GALNTL6: variants seen among roughly 807,000 people sequenced by gnomAD.
GALNTL6 encodes the protein polypeptide N-acetylgalactosaminyltransferase-like 6.
In GALNTL6, 46 loss-of-function variants were observed where a neutral mutation model predicts 73.7. That is an observed-to-expected ratio of 0.62 (90% CI 0.49 to 0.80). The LOEUF is 0.80. Ranked by LOEUF, GALNTL6 falls within the 30% of genes least tolerant of loss-of-function variation. GALNTL6 has a pLI of 0.00. For synonymous variants in GALNTL6, 259 were observed against 263.7 expected, an observed-to-expected ratio of 0.98 and a Z score of 0.17; for missense variants, 604 against 755.0, an observed-to-expected ratio of 0.80 and a Z score of 2.34.
At chr4:172,478,681 G>A (rs935969638) in intron 5 of GALNTL6, among the ~76,000 whole-genome samples, 13 of 151,936 alleles carry the variant, frequency 8.6e-5, no homozygotes, top group Admixed American at 2.0e-4. Context: ...AAAAGCTTCC[G>A]CACAGCAAAA....
At position 172,858,707 on chromosome 4, in the gene GALNTL6, C is replaced by A. The variant is rs140641467; in HGVS notation, c.924-24083C>A. On this transcript the variant is annotated intron_variant, in intron 7 of 12. Transcript: ENST00000506823. Reference sequence around the variant, plus strand: ...AGCACTAAGTAGACTAAAATCTAAGCTGTCTACTGTTCCTGCTCATACACA... The same window carrying A: ...AGCACTAAGTAGACTAAAATCTAAGATGTCTACTGTTCCTGCTCATACACA... 7.7e-3 allele frequency among the ~76,000 whole-genome samples: 1,173 copies of A among 152,194 alleles called. 8 individuals are homozygous for A. The highest frequency in any genetic ancestry group is 0.013 in the Non-Finnish European group (902 of 67,996).
At chr4:172,159,598 A>G (rs911970129) in intron 2 of GALNTL6, among the ~76,000 whole-genome samples, 1 of 152,096 alleles carries the variant, frequency 6.6e-6, no homozygotes, top group African/African-American at 2.4e-5. Flanking sequence ...TTGGGTTGAA[A>G]ACTTTCCCAT....
At chr4:172,586,976 G>C (rs1737435394) in intron 5 of GALNTL6, among the ~76,000 whole-genome samples, 1 of 152,134 alleles carries the variant, frequency 6.6e-6, no homozygotes, top group Admixed American at 6.5e-5. Flanking sequence ...ACAGTGTAAG[G>C]TACAGCAAAG....
Position 172,504,175 on chromosome 4 carries a change from A to AAAAAAAAAAAAAAC in GALNTL6, c.553+155490_553+155491insAAAAAAAAACAAAA, listed in dbSNP as rs1363544210. Among the ~76,000 whole-genome samples the AAAAAAAAAAAAAAC allele has an allele frequency of 1.7e-3, 66 of 39,314 alleles. 16 individuals are homozygous for AAAAAAAAAAAAAAC. Among genetic ancestry groups the AAAAAAAAAAAAAAC allele is most frequent in the African/African-American group, 5.0e-3 (65 of 13,016 alleles). 25.8% of individuals were successfully genotyped at this position (39,314 alleles called of 152,430 possible). On this transcript the variant is annotated intron_variant, in intron 5 of 12. Transcript: ENST00000506823. The stretch of plus-strand genomic sequence containing the variant: ...ACTCTGTCTCAAAAAAAAAAAAAAA[A>AAAAAAAAAAAAAAC]AAAACTCACACCTTGTTGATATTGG...
intron 5 of GALNTL6, among the ~76,000 whole-genome samples, chr4:172,457,290 A>T (rs1579088879): frequency 6.6e-6 from 1 of 152,318 alleles, no homozygotes; most frequent in Middle Eastern, 3.4e-3. Context: ...GACACCATGA[A>T]GAAACTGCAT....
intron 5 of GALNTL6, among the ~76,000 whole-genome samples, chr4:172,733,095 C>G (rs778308422): frequency 3.3e-5 from 5 of 152,198 alleles, no homozygotes; most frequent in Non-Finnish European, 5.9e-5. Context: ...CTCCCTTTAG[C>G]ATTTCTTGCA....
chr4:172,709,771 T>TA (rs1336257417), intron 5 of GALNTL6, among the ~76,000 whole-genome samples: 4 of 152,062 alleles, frequency 2.6e-5, no homozygotes, highest in Non-Finnish European at 4.4e-5. Flanking sequence ...AGTTAAATGT[T>TA]AAAAAATTGA....
At chr4:172,403,860 T>C (rs1197660781) in intron 5 of GALNTL6, among the ~76,000 whole-genome samples, 1 of 151,978 alleles carries the variant, frequency 6.6e-6, no homozygotes, top group Non-Finnish European at 1.5e-5. Context: ...TTGATACTTT[T>C]ACTAAATGCC....
Position 172,953,649 on chromosome 4 carries a change from G to C in GALNTL6, c.1371+1391G>C, listed in dbSNP as rs547451965. Among the ~76,000 whole-genome samples the C allele has an allele frequency of 3.3e-5, 5 of 152,306 alleles. No homozygotes were observed. The South Asian group carries it at 1.0e-3, about 32-fold the overall frequency. The stretch of plus-strand genomic sequence containing the variant: ...TCAGCAAGTCACAGGTGCACTGCTT[G>C]TTGTGTTCAGAGGGTCACTCTTCAT... On this transcript the variant is annotated intron_variant, in intron 10 of 12. Transcript: ENST00000506823.
At chr4:172,153,654 G>A (rs1189685121) in intron 2 of GALNTL6, among the ~76,000 whole-genome samples, 1 of 152,116 alleles carries the variant, frequency 6.6e-6, no homozygotes, top group African/African-American at 2.4e-5. Context: ...GTTTGTCACG[G>A]TGCTTTGATC....
At position 172,839,427 on chromosome 4, in the gene GALNTL6, T is replaced by C. The variant is rs1375800572; in HGVS notation, c.923+25704T>C. 3.3e-5 allele frequency among the ~76,000 whole-genome samples: 5 copies of C among 152,322 alleles called. No individual in the cohort carries two copies. The East Asian group carries it at 9.6e-4, about 29-fold the overall frequency. The stretch of plus-strand genomic sequence containing the variant: ...CTGCAAGGAAACTGACTAATTTAAA[T>C]AAAAATTCCCTTAATGTTCCTAACA... On this transcript the variant is annotated intron_variant, in intron 7 of 12. Transcript: ENST00000506823.
intron 8 of GALNTL6, among the ~76,000 whole-genome samples, chr4:172,923,353 T>C (rs1747888642): frequency 6.6e-6 from 1 of 152,036 alleles, no homozygotes; most frequent in Non-Finnish European, 1.5e-5. Flanking sequence ...CTCATAAGAC[T>C]TATTCACTGT....
chr4:172,865,509 G>A (rs1431814902), intron 7 of GALNTL6, among the ~76,000 whole-genome samples: 3 of 152,100 alleles, frequency 2.0e-5, no homozygotes, highest in Admixed American at 6.6e-5. Context: ...TTAAATTAAG[G>A]TATATTTTAT....
chr4:172,306,447 G>C (rs1410608512), intron 3 of GALNTL6, among the ~76,000 whole-genome samples: 1 of 152,002 alleles, frequency 6.6e-6, no homozygotes, highest in Non-Finnish European at 1.5e-5. Flanking sequence ...GAAAGGAAAG[G>C]CTACTTTACA....
chr4:172,586,785 A>G (rs1318034003), intron 5 of GALNTL6, among the ~76,000 whole-genome samples: 1 of 152,220 alleles, frequency 6.6e-6, no homozygotes, highest in Non-Finnish European at 1.5e-5. Context: ...GATTCTAATA[A>G]CAGACAGTAC....
chr4:172,653,018 C>A (rs1219314662), intron 5 of GALNTL6, among the ~76,000 whole-genome samples: 1 of 152,028 alleles, frequency 6.6e-6, no homozygotes, highest in African/African-American at 2.4e-5. Flanking sequence ...CAGCTTTCAT[C>A]TGACTTTAAA....
intron 5 of GALNTL6, among the ~76,000 whole-genome samples, chr4:172,422,051 T>C (rs527750947): frequency 6.6e-6 from 1 of 152,106 alleles, no homozygotes; most frequent in African/African-American, 2.4e-5. Flanking sequence ...TATTCACTAT[T>C]TTTTGTGCCT....
At chr4:172,480,306 C>T (rs1331888608) in intron 5 of GALNTL6, among the ~76,000 whole-genome samples, 1 of 151,606 alleles carries the variant, frequency 6.6e-6, no homozygotes, top group African/African-American at 2.4e-5. Context: ...GGGCGAGGCC[C>T]TGTCTCAAAA....
At chr4:172,029,673 A>G (rs780470208) in intron 2 of GALNTL6, among the ~76,000 whole-genome samples, 1 of 152,120 alleles carries the variant, frequency 6.6e-6, no homozygotes, top group Non-Finnish European at 1.5e-5. Flanking sequence ...CATGCTTATC[A>G]CAAGCATTCA....
Sources: gnomAD v4.1 joint callset for allele counts (sites outside exome capture counted in the v4.1 genomes callset) on GRCh38, gnomAD v4.1.1 for gene constraint, MANE v1.5 for transcripts, NCBI Gene and HGNC (gene_info 2026-07-23, HGNC 2026-07-21) for gene names.